Variants in PSD3 observed in about 807,000 individuals in gnomAD.
PSD3 encodes the protein pleckstrin and Sec7 domain containing 3, also known as PH and SEC7 domain-containing protein 3.
A neutral mutation model predicts 105.5 loss-of-function variants in PSD3; 49 were observed. That is an observed-to-expected ratio of 0.46 (90% CI 0.37 to 0.59). The LOEUF (loss-of-function observed/expected upper bound fraction) is 0.59. Ranked by LOEUF, PSD3 falls within the 20% of genes least tolerant of loss-of-function variation. The pLI is 0.00. For missense variants in PSD3, 1,561 were observed against 1,263.8 expected, an observed-to-expected ratio of 1.24 and a Z score of -3.57; for synonymous variants, 557 against 457.8, an observed-to-expected ratio of 1.22 and a Z score of -2.77.
At chr8:18,991,315 A>G (rs1825777764) in intron 1 of PSD3, among the ~76,000 whole-genome samples, 1 of 151,494 alleles carries the variant, frequency 6.6e-6, no homozygotes, top group African/African-American at 2.4e-5. Context: ...ACTCTCTCGG[A>G]CAATAATCTT....
intron 9 of PSD3, among the ~76,000 whole-genome samples, chr8:18,707,366 A>T (rs1178268302): frequency 6.6e-6 from 1 of 152,208 alleles, no homozygotes; most frequent in East Asian, 1.9e-4. Flanking sequence ...GGTAAGTAGC[A>T]GATTCTCAAG....
At chr8:18,748,393 G>A (rs568734876) in intron 9 of PSD3, among the ~76,000 whole-genome samples, 28 of 152,240 alleles carry the variant, frequency 1.8e-4, no homozygotes, top group Non-Finnish European at 3.5e-4. Context: ...GGGCGCGATG[G>A]CTCACACCTG....
At chr8:18,599,706 T>C (rs1263006282) in intron 12 of PSD3, among the ~76,000 whole-genome samples, 2 of 152,100 alleles carry the variant, frequency 1.3e-5, no homozygotes, top group East Asian at 3.9e-4. Context: ...ATGGCACTTG[T>C]GGGGCGTGAA....
At chr8:18,611,812 C>T (rs2130649233) in intron 11 of PSD3, among the ~76,000 whole-genome samples, 1 of 152,284 alleles carries the variant, frequency 6.6e-6, no homozygotes, top group African/African-American at 2.4e-5. Context: ...AAGCTGTAAG[C>T]TTTGCTTCTC....
At chr8:19,067,039 G>C (rs1187260133) in intron 1 of PSD3, among the ~76,000 whole-genome samples, 1 of 152,102 alleles carries the variant, frequency 6.6e-6, no homozygotes, top group Non-Finnish European at 1.5e-5. Flanking sequence ...CTAGCACAGA[G>C]CATAACAATG....
intron 8 of PSD3, among the ~76,000 whole-genome samples, chr8:18,778,102 C>T (rs558995144): frequency 6.6e-6 from 1 of 152,248 alleles, no homozygotes; most frequent in Admixed American, 6.5e-5. Context: ...GTAGTAAGTA[C>T]AGGGATGCCC....
intron 4 of PSD3, among the ~76,000 whole-genome samples, chr8:18,843,266 CAGG>C (rs1393788827): frequency 1.3e-5 from 2 of 148,760 alleles, no homozygotes; most frequent in African/African-American, 5.0e-5. Flanking sequence ...GAGGCTGAGG[CAGG>C]AGAATGGCGT....
At chr8:19,044,756 T>G (rs1038745665) in intron 1 of PSD3, among the ~76,000 whole-genome samples, 10 of 152,176 alleles carry the variant, frequency 6.6e-5, no homozygotes, top group Non-Finnish European at 1.5e-5. Flanking sequence ...CTTTGCTCAG[T>G]GGTACCATAA....
intron 8 of PSD3, among the ~76,000 whole-genome samples, chr8:18,771,865 A>C (rs1371194348): frequency 6.6e-6 from 1 of 152,230 alleles, no homozygotes; most frequent in Non-Finnish European, 1.5e-5. Context: ...CTCAAACTCT[A>C]TACCCATTAA....
At chr8:18,912,553 A>G (rs902408253) in intron 2 of PSD3, among the ~76,000 whole-genome samples, 5 of 152,258 alleles carry the variant, frequency 3.3e-5, no homozygotes, top group African/African-American at 1.2e-4. Context: ...GAAAATCTAA[A>G]AGATGGTCCA....
chr8:18,729,805 C>T (rs1803601013), intron 9 of PSD3, among the ~76,000 whole-genome samples: 4 of 152,150 alleles, frequency 2.6e-5, no homozygotes, highest in African/African-American at 9.7e-5. Flanking sequence ...GAGCCTACTA[C>T]ACAGGAGAAG....
upstream of PSD3, among the ~76,000 whole-genome samples, chr8:19,018,581 T>C (rs1387366173): frequency 6.6e-6 from 1 of 152,198 alleles, no homozygotes. Flanking sequence ...AAGAGATATG[T>C]AGATGTGTGT....
chr8:18,726,512 TA>T (rs1250267813), intron 9 of PSD3, among the ~76,000 whole-genome samples: 1 of 152,220 alleles, frequency 6.6e-6, no homozygotes, highest in African/African-American at 2.4e-5. Flanking sequence ...GAGGTTTAAA[TA>T]AACTACAGGA....
chr8:18,907,082 G>A (rs578223181), intron 2 of PSD3, among the ~76,000 whole-genome samples: 2 of 152,120 alleles, frequency 1.3e-5, no homozygotes, highest in African/African-American at 4.8e-5. Flanking sequence ...TAGTCCAAAG[G>A]TTTTAAAAAG....
chr8:18,902,678 C>G (rs1819583729), intron 2 of PSD3, among the ~76,000 whole-genome samples: 1 of 152,172 alleles, frequency 6.6e-6, no homozygotes, highest in Admixed American at 6.6e-5. Context: ...AGACTTTGAC[C>G]TTCAGTAGGG....
intron 4 of PSD3, among the ~76,000 whole-genome samples, chr8:18,846,064 C>A (rs1815067961): frequency 6.6e-6 from 1 of 152,138 alleles, no homozygotes; most frequent in African/African-American, 2.4e-5. Flanking sequence ...AAATGCTTAT[C>A]AATTTGACTA....
chr8:19,003,050 A>C (rs550961996), intron 1 of PSD3, among the ~76,000 whole-genome samples: 1 of 151,994 alleles, frequency 6.6e-6, no homozygotes, highest in Admixed American at 6.6e-5. Flanking sequence ...TCTAACCACT[A>C]AATGTTGGTG....
intron 11 of PSD3, among the ~76,000 whole-genome samples, chr8:18,613,367 G>A (rs1331523137): frequency 3.3e-5 from 5 of 152,092 alleles, no homozygotes; most frequent in African/African-American, 1.2e-4. Flanking sequence ...GGTCTCTCTC[G>A]TTTCTGTGTG....
chr8:18,754,277 G>A (rs989948854), intron 9 of PSD3, among the ~76,000 whole-genome samples: 8 of 151,712 alleles, frequency 5.3e-5, no homozygotes, highest in African/African-American at 9.7e-5. Flanking sequence ...CCAACTACTC[G>A]GGAGGCTAAG....
Sources: allele counts gnomAD v4.1 joint callset (sites outside exome capture counted in the v4.1 genomes callset), GRCh38; gene constraint gnomAD v4.1.1; transcripts MANE v1.5; gene names NCBI Gene and HGNC (gene_info 2026-07-23, HGNC 2026-07-21).